The following HYCC2 variants were observed in gnomAD, a reference collection of about 807,000 sequenced individuals.
The protein encoded by HYCC2 is hyccin 2.
At chr2:201,018,713 T>C in the HYCC2 span, among the ~76,000 whole-genome samples, 1 of 152,180 alleles carries the variant, frequency 6.6e-6, no homozygotes, top group Non-Finnish European at 1.5e-5. Context: ...GAGGTACACA[T>C]CCAGCTATTC....
chr2:201,051,679 T>A, the HYCC2 span, among the ~76,000 whole-genome samples: 24 of 152,088 alleles, frequency 1.6e-4, no homozygotes, highest in African/African-American at 5.8e-4. Flanking sequence ...ATAAAGATGG[T>A]GTAAATAAAG....
the HYCC2 span, among the ~76,000 whole-genome samples, chr2:201,060,057 G>C: frequency 2.4e-4 from 32 of 132,648 alleles, no homozygotes; most frequent in Admixed American, 2.8e-4. Context: ...AAAAAAGCGG[G>C]GGGGGGGGGG....
chr2:201,049,966 C>G, the HYCC2 span, among the ~76,000 whole-genome samples: 3 of 152,130 alleles, frequency 2.0e-5, no homozygotes, highest in Admixed American at 6.5e-5. Context: ...TGCCAAAGTG[C>G]TGGGATTACA....
the HYCC2 span, among the ~76,000 whole-genome samples, chr2:201,046,022 A>G: frequency 6.6e-6 from 1 of 152,160 alleles, no homozygotes; most frequent in Non-Finnish European, 1.5e-5. Flanking sequence ...TAAAATCGTA[A>G]TATGCAGTAT....
At chr2:201,031,364 A>T in the HYCC2 span, among the ~76,000 whole-genome samples, 5 of 152,144 alleles carry the variant, frequency 3.3e-5, no homozygotes, top group Non-Finnish European at 5.9e-5. Context: ...CTGTATTTTA[A>T]AAATCGGCCG....
At chr2:201,065,600 G>T in the HYCC2 span, among the ~76,000 whole-genome samples, 44 of 152,340 alleles carry the variant, frequency 2.9e-4, no homozygotes, top group African/African-American at 1.0e-3. Flanking sequence ...GAAATTGAGA[G>T]AAGTAAATGG....
At chr2:201,029,626 G>A in the HYCC2 span, among the ~76,000 whole-genome samples, 1 of 152,184 alleles carries the variant, frequency 6.6e-6, no homozygotes, top group Non-Finnish European at 1.5e-5. Context: ...CATGTCTTTT[G>A]TAGGGACAAG....
the HYCC2 span, among the ~76,000 whole-genome samples, chr2:201,049,537 T>C: frequency 2.0e-5 from 3 of 151,020 alleles, no homozygotes; most frequent in African/African-American, 7.3e-5. Context: ...TAATTTTTAG[T>C]AGAGACGGGG....
the HYCC2 span, among the ~76,000 whole-genome samples, chr2:201,069,543 A>AACACACAC: frequency 2.1e-5 from 3 of 143,640 alleles, no homozygotes; most frequent in African/African-American, 5.2e-5. Flanking sequence ...CATAAGAAGA[A>AACACACAC]ACACACACAC....
the HYCC2 span, among the ~76,000 whole-genome samples, chr2:201,005,830 A>G: frequency 6.6e-6 from 1 of 151,758 alleles, no homozygotes; most frequent in East Asian, 1.9e-4. Context: ...TGTTATTTTT[A>G]TTTATTTATT....
chr2:201,069,279 A>G, the HYCC2 span, among the ~76,000 whole-genome samples: 1 of 152,228 alleles, frequency 6.6e-6, no homozygotes, highest in East Asian at 1.9e-4. Flanking sequence ...TTTAGGGCAA[A>G]CAATTAAACT....
the HYCC2 span, among the ~76,000 whole-genome samples, chr2:201,014,796 G>A: frequency 6.6e-6 from 1 of 152,064 alleles, no homozygotes; most frequent in East Asian, 1.9e-4. Flanking sequence ...TTATTATGTG[G>A]AATTTTGTTT....
At chr2:201,023,001 T>C in the HYCC2 span, 2 of 1,027,118 alleles carry the variant, frequency 1.9e-6, no homozygotes, top group Non-Finnish European at 3.0e-6. Flanking sequence ...TTTACACAAA[T>C]AGTTCTTGAA....
chr2:200,981,140 G>T, the HYCC2 span: 1 of 1,086,288 alleles, frequency 9.2e-7, no homozygotes, highest in Non-Finnish European at 1.3e-6. The surrounding 1 kb of genome is among the most constrained non-coding windows in gnomAD (Gnocchi z 4.5). Flanking sequence ...AATACAGTAT[G>T]AAGATACCTA....
At chr2:201,050,568 G>GC in the HYCC2 span, among the ~76,000 whole-genome samples, 1 of 150,734 alleles carries the variant, frequency 6.6e-6, no homozygotes, top group African/African-American at 2.4e-5. Flanking sequence ...CTCCAGCCTG[G>GC]GTGACACAGC....
the HYCC2 span, among the ~76,000 whole-genome samples, chr2:201,070,133 T>G: frequency 6.6e-6 from 1 of 152,190 alleles, no homozygotes; most frequent in Non-Finnish European, 1.5e-5. Context: ...AGTTTTTATG[T>G]CGTTTGCCCT....
the HYCC2 span, among the ~76,000 whole-genome samples, chr2:201,018,651 A>T: frequency 6.6e-6 from 1 of 152,196 alleles, no homozygotes; most frequent in East Asian, 1.9e-4. Context: ...ATGTGAAATC[A>T]CTATCAGAAC....
the HYCC2 span, chr2:200,993,019 A>AT: frequency 1.4e-6 from 2 of 1,463,210 alleles, no homozygotes; most frequent in South Asian, 2.4e-5. Flanking sequence ...AAAATACACT[A>AT]TTTAACATGT....
chr2:201,001,191 A>C, the HYCC2 span, among the ~76,000 whole-genome samples: 1 of 151,736 alleles, frequency 6.6e-6, no homozygotes, highest in Non-Finnish European at 1.5e-5. Context: ...AGGTCATGAC[A>C]GCTCTGCCCT....
Sources: gnomAD v4.1 joint callset for allele counts (sites outside exome capture counted in the v4.1 genomes callset) on GRCh38, gnomAD v4.1.1 for gene constraint, Gnocchi (gnomAD v3.1) non-coding constraint, MANE v1.5 for transcripts, NCBI Gene and HGNC (gene_info 2026-07-23, HGNC 2026-07-21) for gene names.